Variants in NUP98 observed in about 807,000 individuals in gnomAD.
NUP98 encodes nuclear pore complex protein Nup98-Nup96.
In NUP98, 26 loss-of-function variants were observed where a neutral mutation model predicts 191.9. The ratio of observed to expected loss-of-function variants is 0.14; its 90% confidence interval spans 0.10 to 0.19. The LOEUF (loss-of-function observed/expected upper bound fraction) is 0.19. NUP98 is among the 10% of genes least tolerant of loss of function. The pLI is 1.00. For synonymous variants in NUP98, 808 were observed against 778.4 expected, an observed-to-expected ratio of 1.04 and a Z score of -0.63; for missense variants, 1,941 against 2,178.8, an observed-to-expected ratio of 0.89 and a Z score of 2.17.
At chr11:3,772,704 A>C (rs1361687119) in intron 6 of NUP98, among the ~76,000 whole-genome samples, 1 of 151,886 alleles carries the variant, frequency 6.6e-6, no homozygotes, top group Non-Finnish European at 1.5e-5. Flanking sequence ...AATCCCAGCT[A>C]CTCAGGAGGC....
At chr11:3,679,312 G>A (rs1266436444) in intron 31 of NUP98, 3 of 594,592 alleles carry the variant, frequency 5.0e-6, no homozygotes, top group Non-Finnish European at 9.4e-6. Context: ...GACTGTCTAT[G>A]GACAAGCCTC....
At chr11:3,684,444 ACT>A (rs2078075621) in intron 29 of NUP98, among the ~76,000 whole-genome samples, 1 of 152,096 alleles carries the variant, frequency 6.6e-6, no homozygotes, top group Non-Finnish European at 1.5e-5. Flanking sequence ...AATGACTTCC[ACT>A]GTCATCACAA....
Position 3,733,209 on chromosome 11 carries a change from G to C in NUP98, c.1543-1631C>G, listed in dbSNP as rs532182475. Among the ~76,000 whole-genome samples the C allele has an allele frequency of 1.1e-3, 161 of 152,138 alleles. 1 individual carries two copies. Among genetic ancestry groups the C allele is most frequent in the African/African-American group, 3.7e-3 (152 of 41,520 alleles). On this transcript the variant is annotated intron_variant, in intron 13 of 32. Transcript: ENST00000324932. ...TCTCAATTTCTTCCCTCTTCCCTTTGCAACTATGAAGCTGCTTTCTTTCTT... is the reference window on the plus strand; with the variant it reads ...TCTCAATTTCTTCCCTCTTCCCTTTCCAACTATGAAGCTGCTTTCTTTCTT...
intron 16 of NUP98, among the ~76,000 whole-genome samples, chr11:3,721,792 A>G (rs189616956): frequency 6.6e-6 from 1 of 152,240 alleles, no homozygotes; most frequent in African/African-American, 2.4e-5. Context: ...AGAGCGCTGA[A>G]AAACTCAAGG....
At chr11:3,729,678 G>GCACTC (rs1366608423) in intron 14 of NUP98, among the ~76,000 whole-genome samples, 10 of 126,166 alleles carry the variant, frequency 7.9e-5, no homozygotes, top group African/African-American at 2.8e-4. Flanking sequence ...TTGCACCACT[G>GCACTC]CACTCCAGCC....
chr11:3,716,870 A>G (rs530577534), intron 18 of NUP98, among the ~76,000 whole-genome samples: 17 of 151,896 alleles, frequency 1.1e-4, no homozygotes, highest in African/African-American at 3.4e-4. Flanking sequence ...TTCTTTTTTG[A>G]GAGTGTTTGG....
chr11:3,684,616 C>T (rs2078081314), intron 29 of NUP98, among the ~76,000 whole-genome samples: 1 of 151,904 alleles, frequency 6.6e-6, no homozygotes, highest in Non-Finnish European at 1.5e-5. Flanking sequence ...TCATTTCATT[C>T]CCTGTTAAAG....
At position 3,744,667 on chromosome 11, in the gene NUP98, A is replaced by T. The variant is rs775528761; in HGVS notation, c.1268-18T>A. The stretch of plus-strand genomic sequence containing the variant: ...ACCAAGAGCTACGGAGACAAGAGGA[A>T]AGAAAAAAGCACCACAGAAGATCCT... On this transcript the variant is annotated intron_variant, in intron 11 of 32. Transcript: ENST00000324932. 1.0e-5 allele frequency: 16 copies of T among 1,589,474 alleles called. No individual in the cohort carries two copies. Among genetic ancestry groups the T allele is most frequent in the Non-Finnish European group, 1.4e-5 (16 of 1,171,418 alleles).
intron 5 of NUP98, among the ~76,000 whole-genome samples, 186 bp downstream of exon 5, chr11:3,775,696 G>A (rs276886): frequency 0.34 from 51,967 of 151,880 alleles, 9,479 homozygotes; most frequent in African/African-American, 0.46. Flanking sequence ...AATATACATC[G>A]TAATCTAGAT....
At chr11:3,789,728 C>T (rs1212839562) in intron 1 of NUP98, among the ~76,000 whole-genome samples, 1 of 151,874 alleles carries the variant, frequency 6.6e-6, no homozygotes, top group Non-Finnish European at 1.5e-5. Context: ...GCTTTGGCCT[C>T]CTAAAGTGCA....
At position 3,698,725 on chromosome 11, in the gene NUP98, C is replaced by CCA. The variant is rs1554887938; in HGVS notation, c.4009+356_4009+357insTG. Among the ~76,000 whole-genome samples, 144 of 35,766 alleles carry CCA rather than the reference C, an allele frequency of 4.0e-3. 4 individuals are homozygous for CCA. Among genetic ancestry groups the CCA allele is most frequent in the African/African-American group, 0.016 (133 of 8,316 alleles). 23.5% of individuals were successfully genotyped at this position (35,766 alleles called of 152,430 possible). ...CTGGGCAACAAGAGTGAAACTGTCT[C>CCA]AAAAAAAAAAAAAAAAAAAAAAAAA... On this transcript the variant is annotated intron_variant, in intron 25 of 32. Transcript: ENST00000324932.
intron 27 of NUP98, 134 bp from the exon 28 acceptor site, chr11:3,691,623 G>C: frequency 1.3e-6 from 1 of 795,278 alleles, no homozygotes; most frequent in South Asian, 1.9e-5. Flanking sequence ...GGACAATCTC[G>C]GCTCACTGCA....
In NUP98 at chr11:3,723,231, G is replaced by A. The variant is rs1400656083; in HGVS notation, c.2072C>T (p.Thr691Met). 3.7e-6 allele frequency: 6 copies of A among 1,613,936 alleles called. No individual in the cohort carries two copies. Among genetic ancestry groups the A allele is most frequent in the South Asian group, 3.3e-5 (3 of 91,076 alleles). ...CTGAAGTGACTCATCATGAAAAGAC[G>A]TTTCTTCACTGCTTCCTTCCAGCCC... ...RNGLEGSSEE[T>M]SFHDESLQDD... Residue 691 changes from threonine to methionine, a missense_variant, in exon 16 of 33, where the codon ACG becomes ATG. By Grantham distance (81) the Thr-to-Met change is moderately conservative. Coordinates refer to ENST00000324932, the MANE Select transcript of NUP98 (RefSeq NM_016320.5).
At chr11:3,779,365 T>A (rs1222485945) in intron 2 of NUP98, 108 bp from the exon 3 acceptor site, 5 of 966,754 alleles carry the variant, frequency 5.2e-6, no homozygotes, top group African/African-American at 1.6e-5. Context: ...TTTGAGGCTG[T>A]GCATGGTGGC....
Position 3,683,215 on chromosome 11 carries a change from G to A in NUP98, c.4903C>T (p.Arg1635Ter), listed in dbSNP as rs1564801071. 1 of 1,614,138 alleles carries A rather than the reference G, an allele frequency of 6.2e-7. No homozygotes were observed. The highest frequency in any genetic ancestry group is 8.5e-7 in the Non-Finnish European group (1 of 1,180,020). Residue 1635 changes from arginine (R) to a stop codon, truncating the protein, a stop_gained, in exon 30 of 33, where the codon CGA becomes TGA. Transcript: ENST00000324932. LOFTEE classifies it high-confidence loss of function. ...HWNRCHKLII[R>*]HLASDAIINE... is the part of the protein sequence containing the mutation. ...CAGCACTCACCAGAAGCTAAGTGTC[G>A]GATGATGAGCTTGTGGCAGCGGTTC...
chr11:3,758,522 C>A (rs1033341172), intron 10 of NUP98, among the ~76,000 whole-genome samples: 1 of 152,098 alleles, frequency 6.6e-6, no homozygotes, highest in African/African-American at 2.4e-5. Flanking sequence ...CAGTGGCTCA[C>A]GCCTGTAATC....
intron 14 of NUP98, among the ~76,000 whole-genome samples, chr11:3,726,526 A>G (rs1004130919): frequency 9.0e-5 from 12 of 133,706 alleles, no homozygotes; most frequent in Admixed American, 7.4e-4. Context: ...CACTGACATT[A>G]AAAAAAAAAA....
chr11:3,688,495 T>C (rs1188687010), intron 28 of NUP98, among the ~76,000 whole-genome samples: 2 of 151,170 alleles, frequency 1.3e-5, no homozygotes, highest in Non-Finnish European at 2.9e-5. Context: ...TTCTATATAA[T>C]TAATATAGTT....
intron 21 of NUP98, 143 bp from the exon 22 acceptor site, chr11:3,705,499 C>T: frequency 1.4e-6 from 1 of 706,224 alleles, no homozygotes; most frequent in Non-Finnish European, 2.4e-6. Context: ...GATGGATGGA[C>T]CCCATTACAC....
Sources: allele counts gnomAD v4.1 joint callset (sites outside exome capture counted in the v4.1 genomes callset), GRCh38; gene constraint gnomAD v4.1.1; transcripts MANE v1.5; gene names NCBI Gene and HGNC (gene_info 2026-07-23, HGNC 2026-07-21).